Variants in GPM6B observed in about 807,000 individuals in gnomAD.
The protein encoded by GPM6B is neuronal membrane glycoprotein M6-b.
Under a neutral mutation model 27.2 loss-of-function variants are expected in GPM6B, and 4 were observed. That is an observed-to-expected ratio of 0.15 (90% CI 0.07 to 0.34). GPM6B has a LOEUF of 0.34. Among genes scored for constraint, GPM6B ranks in the 10% least tolerant of loss-of-function variants. The probability of loss-of-function intolerance (pLI) is 1.00; values close to 1 mark genes in which losing one functional copy is unlikely to be tolerated. For synonymous variants in GPM6B, 124 were observed against 103.1 expected, an observed-to-expected ratio of 1.20 and a Z score of -1.23; for missense variants, 183 against 261.9, an observed-to-expected ratio of 0.70 and a Z score of 2.08.
At chrX:13,776,432 C>T (rs2048414195) in intron 6 of GPM6B, 129 bp from the exon 7 acceptor site, 2 of 487,433 alleles carry the variant, frequency 4.1e-6, no homozygotes, top group Non-Finnish European at 6.9e-6. Context: ...GGCCTGCCTT[C>T]TCTTCATGCT....
chrX:13,793,425 T>C (rs997463777), intron 2 of GPM6B, among the ~76,000 whole-genome samples: 1 of 110,913 alleles, frequency 9.0e-6, no homozygotes, highest in Non-Finnish European at 1.9e-5. Flanking sequence ...GTTATTAGGA[T>C]CTCCCGAGGC....
intron 2 of GPM6B, among the ~76,000 whole-genome samples, chrX:13,802,522 GTATT>G (rs2048941205): frequency 9.7e-6 from 1 of 103,442 alleles, no homozygotes; most frequent in Admixed American, 1.1e-4. Flanking sequence ...ATATCGATAA[GTATT>G]TGTTTACAGC....
intron 1 of GPM6B, among the ~76,000 whole-genome samples, chrX:13,912,087 C>A (rs528755521): frequency 1.9e-4 from 21 of 112,030 alleles, no homozygotes; most frequent in Middle Eastern, 4.6e-3. Context: ...CTTTGTCCTA[C>A]CACTATTTTC....
rs761693115 is a variant in GPM6B at position 13,859,549 on chromosome X, A to AT, written c.-197-73742dup. 2.4e-3 allele frequency among the ~76,000 whole-genome samples: 268 copies of AT among 109,642 alleles called. 1 individual carries two copies. Among genetic ancestry groups the AT allele is most frequent in the African/African-American group, 8.1e-3 (245 of 30,166 alleles). ...TGCCATGAAGTCTTTGTGTACAGAG[A>AT]TTTTTTTTTACATCATTTGAGTTCT... is the stretch of plus-strand genomic sequence containing the variant. On this transcript the variant is annotated intron_variant, in intron 1 of 6. Transcript: ENST00000398361.
intron 1 of GPM6B, among the ~76,000 whole-genome samples, chrX:13,839,801 C>T (rs1234598033): frequency 8.9e-6 from 1 of 111,762 alleles, no homozygotes; most frequent in Non-Finnish European, 1.9e-5. Context: ...AGGTCAAAAT[C>T]CTGACAAGCC....
chrX:13,850,810 A>G (rs2049706942), intron 1 of GPM6B, among the ~76,000 whole-genome samples: 1 of 112,267 alleles, frequency 8.9e-6, no homozygotes, highest in South Asian at 3.7e-4. Context: ...TATTTAAAAT[A>G]TTTGTAATGA....
intron 1 of GPM6B, among the ~76,000 whole-genome samples, chrX:13,878,047 C>A (rs1485983559): frequency 1.8e-5 from 2 of 109,560 alleles, no homozygotes; most frequent in African/African-American, 6.7e-5. Context: ...ACAATTATCC[C>A]CCCAAATAGT....
At chrX:13,841,761 A>C (rs2049578108) in intron 1 of GPM6B, among the ~76,000 whole-genome samples, 1 of 111,183 alleles carries the variant, frequency 9.0e-6, no homozygotes. Context: ...TGTTCAACCA[A>C]TCTACAATGG....
At chrX:13,786,787 A>G (rs1422513321) in intron 2 of GPM6B, among the ~76,000 whole-genome samples, 1 of 111,119 alleles carries the variant, frequency 9.0e-6, no homozygotes, top group Non-Finnish European at 1.9e-5. Context: ...ATAAACTTTT[A>G]CTTGAGATGT....
chrX:13,868,251 G>A (rs747607551), intron 1 of GPM6B, among the ~76,000 whole-genome samples: 3 of 111,342 alleles, frequency 2.7e-5, no homozygotes, highest in South Asian at 3.8e-4. Flanking sequence ...TGTAAATGAC[G>A]GGAGGAAATG....
chrX:13,805,510 A>G (rs2049005813), intron 2 of GPM6B, among the ~76,000 whole-genome samples: 1 of 112,119 alleles, frequency 8.9e-6, no homozygotes, highest in African/African-American at 3.2e-5. Context: ...TGGAAACCCA[A>G]ATTCTTTGGA....
At chrX:13,841,671 C>T (rs1476258767) in intron 1 of GPM6B, among the ~76,000 whole-genome samples, 1 of 111,452 alleles carries the variant, frequency 9.0e-6, no homozygotes, top group Admixed American at 9.5e-5. Flanking sequence ...GGCAATCTAC[C>T]TGGTTTTCTA....
chrX:13,834,820 A>G (rs763157209), intron 1 of GPM6B, among the ~76,000 whole-genome samples: 16 of 112,111 alleles, frequency 1.4e-4, no homozygotes, highest in Non-Finnish European at 2.3e-4. Context: ...ATAAGAATAA[A>G]TGGATACTTG....
chrX:13,853,934 A>C (rs982528003), intron 1 of GPM6B, among the ~76,000 whole-genome samples: 1 of 112,250 alleles, frequency 8.9e-6, no homozygotes, highest in Non-Finnish European at 1.9e-5. Context: ...ACTGCTTACC[A>C]CCAAGTTCCC....
chrX:13,923,291 C>T (rs1265820778), intron 1 of GPM6B, among the ~76,000 whole-genome samples: 1 of 111,759 alleles, frequency 8.9e-6, no homozygotes, highest in Non-Finnish European at 1.9e-5. Context: ...TTGGTTGTAG[C>T]CATCATCAGC....
At chrX:13,804,560 C>T (rs925172457) in intron 2 of GPM6B, among the ~76,000 whole-genome samples, 1 of 110,367 alleles carries the variant, frequency 9.1e-6, no homozygotes, top group Admixed American at 9.6e-5. Context: ...CTATCTAACC[C>T]CTAAAGATGG....
intron 1 of GPM6B, among the ~76,000 whole-genome samples, chrX:13,924,237 T>C (rs1921061878): frequency 8.9e-6 from 1 of 112,461 alleles, no homozygotes; most frequent in Non-Finnish European, 1.9e-5. Context: ...CATCCTTCTA[T>C]TACAAGCTTA....
chrX:13,777,183 C>A (rs965139172), intron 6 of GPM6B, among the ~76,000 whole-genome samples, 169 bp downstream of exon 6: 1 of 111,681 alleles, frequency 9.0e-6, no homozygotes, highest in African/African-American at 3.3e-5. Flanking sequence ...TTTTGTAGGT[C>A]AAAAATGGCT....
chrX:13,808,130 T>G (rs2049058027), intron 1 of GPM6B, among the ~76,000 whole-genome samples: 1 of 112,146 alleles, frequency 8.9e-6, no homozygotes, highest in Admixed American at 9.4e-5. Context: ...CAGAGCACTA[T>G]AATTATTGCC....
Sources: allele counts gnomAD v4.1 joint callset (sites outside exome capture counted in the v4.1 genomes callset), GRCh38; gene constraint gnomAD v4.1.1; transcripts MANE v1.5; gene names NCBI Gene and HGNC (gene_info 2026-07-23, HGNC 2026-07-21).